The following DPYSL3 variants were observed in gnomAD, a reference collection of about 807,000 sequenced individuals.
DPYSL3 encodes dihydropyrimidinase-related protein 3.
In DPYSL3, 16 loss-of-function variants were observed where a neutral mutation model predicts 66.1. The ratio of observed to expected loss-of-function variants is 0.24; its 90% CI spans 0.16 to 0.37. The LOEUF (loss-of-function observed/expected upper bound fraction) is 0.37. DPYSL3 is among the 10% of genes least tolerant of loss of function. DPYSL3 has a pLI of 1.00. For missense variants in DPYSL3, 738 were observed against 916.2 expected, an observed-to-expected ratio of 0.81 and a Z score of 2.51; for synonymous variants, 338 against 345.1, an observed-to-expected ratio of 0.98 and a Z score of 0.23.
intron 7 of DPYSL3, among the ~76,000 whole-genome samples, chr5:147,407,974 A>G (rs1442879422): frequency 2.6e-5 from 4 of 152,196 alleles, no homozygotes; most frequent in East Asian, 1.9e-4. Context: ...TATATTTTAA[A>G]TAAGACTCTA....
At chr5:147,466,671 C>T (rs1753014364) in intron 1 of DPYSL3, among the ~76,000 whole-genome samples, 1 of 152,194 alleles carries the variant, frequency 6.6e-6, no homozygotes, top group Non-Finnish European at 1.5e-5. Context: ...TGGATGGGGA[C>T]TCAGAACAGC....
At chr5:147,418,373 A>G in intron 3 of DPYSL3, 74 bp downstream of exon 3, 1 of 1,407,912 alleles carries the variant, frequency 7.1e-7, no homozygotes, top group African/African-American at 1.4e-5. Flanking sequence ...TTATAGTAAG[A>G]GAGTTCTGGA....
intron 8 of DPYSL3, among the ~76,000 whole-genome samples, chr5:147,403,037 T>C (rs1369781305): frequency 6.6e-6 from 1 of 152,190 alleles, no homozygotes; most frequent in East Asian, 1.9e-4. Context: ...CAAATAGATT[T>C]TGCCTTGTTT....
chr5:147,405,898 A>C (rs2152018979), intron 7 of DPYSL3, 168 bp from the exon 8 acceptor site: 1 of 778,890 alleles, frequency 1.3e-6, no homozygotes, highest in East Asian at 2.7e-5. Context: ...CCACTTCCTA[A>C]CTGTGTCACT....
intron 2 of DPYSL3, among the ~76,000 whole-genome samples, chr5:147,423,001 T>C (rs183653594): frequency 8.0e-4 from 121 of 152,180 alleles, no homozygotes; most frequent in African/African-American, 2.5e-3. Context: ...TAAAGTATAA[T>C]AATAATAATA....
At position 147,396,880 on chromosome 5, in the gene DPYSL3, TATATA is replaced by T. The variant is rs1399562589; in HGVS notation, c.1803+781_1803+785del. ...GTATATGTGTGTATATATATATATA[TATATA>T]GTGTGTGTATAGAAAGTATAATACA... is the stretch of plus-strand genomic sequence containing the variant. On this transcript the variant is annotated intron_variant, in intron 12 of 13. Coordinates refer to ENST00000343218, the MANE Select transcript of DPYSL3 (RefSeq NM_001197294.2). 3.4e-5 allele frequency among the ~76,000 whole-genome samples: 5 copies of T among 148,740 alleles called. No individual in the cohort carries two copies. The Admixed American group carries it at 3.4e-4, about 10-fold the overall frequency.
intron 1 of DPYSL3, among the ~76,000 whole-genome samples, chr5:147,486,236 G>C (rs1366184502): frequency 6.6e-6 from 1 of 152,126 alleles, no homozygotes; most frequent in Non-Finnish European, 1.5e-5. Flanking sequence ...ACATTGTTGT[G>C]ATAATAGTAA....
At chr5:147,429,504 GCA>G (rs1246390468) in intron 1 of DPYSL3, among the ~76,000 whole-genome samples, 4 of 152,026 alleles carry the variant, frequency 2.6e-5, no homozygotes, top group South Asian at 4.1e-4. Flanking sequence ...GTATAATCTA[GCA>G]CACAAGTAAA....
chr5:147,407,528 T>C (rs1295053300), intron 7 of DPYSL3, among the ~76,000 whole-genome samples: 1 of 152,218 alleles, frequency 6.6e-6, no homozygotes, highest in African/African-American at 2.4e-5. Context: ...TACCCTGGTC[T>C]CTTCACGATG....
chr5:147,407,305 T>G (rs1758349383), intron 7 of DPYSL3, among the ~76,000 whole-genome samples: 1 of 152,048 alleles, frequency 6.6e-6, no homozygotes, highest in African/African-American at 2.4e-5. Context: ...TCCACGGCTA[T>G]AGAGGTTTGC....
At chr5:147,495,423 A>G (rs565071225) in intron 1 of DPYSL3, among the ~76,000 whole-genome samples, 18 of 152,348 alleles carry the variant, frequency 1.2e-4, no homozygotes, top group African/African-American at 4.3e-4. Flanking sequence ...GAAGGAAATA[A>G]AGGGCATTCA....
chr5:147,435,221 T>C (rs1364218174), intron 1 of DPYSL3, among the ~76,000 whole-genome samples: 3 of 152,230 alleles, frequency 2.0e-5, no homozygotes, highest in African/African-American at 4.8e-5. Flanking sequence ...AGCTGATTTG[T>C]ACACGTGGGT....
chr5:147,435,384 C>T (rs531960257), intron 1 of DPYSL3, among the ~76,000 whole-genome samples: 1 of 152,274 alleles, frequency 6.6e-6, no homozygotes, highest in South Asian at 2.1e-4. Flanking sequence ...ACTGTCATTC[C>T]TATTGCATTG....
chr5:147,493,889 G>A (rs188300321), intron 1 of DPYSL3, among the ~76,000 whole-genome samples: 245 of 152,222 alleles, frequency 1.6e-3, no homozygotes, highest in Non-Finnish European at 2.8e-3. Context: ...CCCCAAATAC[G>A]TGGATATTAA....
At chr5:147,421,916 A>G (rs529778173) in intron 2 of DPYSL3, among the ~76,000 whole-genome samples, 90 of 152,260 alleles carry the variant, frequency 5.9e-4, no homozygotes, top group African/African-American at 2.0e-3. Context: ...CTAGAAGAAA[A>G]CCTAGGCAAT....
intron 1 of DPYSL3, among the ~76,000 whole-genome samples, chr5:147,446,645 G>A (rs1169114461): frequency 6.6e-6 from 1 of 152,222 alleles, no homozygotes; most frequent in Admixed American, 6.5e-5. Flanking sequence ...GATAGAGAGT[G>A]AGAAAGGGCC....
At chr5:147,437,406 G>A (rs986771291) in intron 1 of DPYSL3, among the ~76,000 whole-genome samples, 3 of 152,210 alleles carry the variant, frequency 2.0e-5, no homozygotes, top group Admixed American at 6.5e-5. Context: ...TATTTGTGGA[G>A]GCCACAGGGA....
intron 8 of DPYSL3, among the ~76,000 whole-genome samples, chr5:147,403,743 A>G (rs572534394): frequency 6.6e-6 from 1 of 152,130 alleles, no homozygotes; most frequent in Non-Finnish European, 1.5e-5. Context: ...TTGTCTTGCA[A>G]AGAATGCTCT....
intron 13 of DPYSL3, among the ~76,000 whole-genome samples, chr5:147,394,722 G>A (rs1478268701): frequency 1.3e-5 from 2 of 150,988 alleles, no homozygotes; most frequent in Non-Finnish European, 2.9e-5. Context: ...AATTGCTTAT[G>A]ACTAGCAGAA....
Sources: gnomAD v4.1 joint callset for allele counts (sites outside exome capture counted in the v4.1 genomes callset) on GRCh38, gnomAD v4.1.1 for gene constraint, MANE v1.5 for transcripts, NCBI Gene and HGNC (gene_info 2026-07-23, HGNC 2026-07-21) for gene names.